Variants in OR1J2 observed in about 807,000 individuals in gnomAD.
OR1J2 encodes the protein olfactory receptor family 1 subfamily J member 2, also known as olfactory receptor 1J2.
For synonymous variants in OR1J2, 142 were observed against 99.7 expected (o/e 1.42, Z -2.52); for missense variants, 304 against 246.1 (o/e 1.24, Z -1.57).
chr9:122,500,378 C>T, the OR1J2 span, among the ~76,000 whole-genome samples: 1 of 152,138 alleles, frequency 6.6e-6, no homozygotes, highest in African/African-American at 2.4e-5. Context: ...CTTTTAGCAG[C>T]TGGATGCAGT....
the OR1J2 span, among the ~76,000 whole-genome samples, chr9:122,524,095 A>G: frequency 6.6e-6 from 1 of 152,238 alleles, no homozygotes; most frequent in Non-Finnish European, 1.5e-5. Context: ...GTTTTGGTCA[A>G]CAATAGACTC....
At chr9:122,546,801 C>T in the OR1J2 span, among the ~76,000 whole-genome samples, 2 of 152,032 alleles carry the variant, frequency 1.3e-5, no homozygotes, top group South Asian at 4.1e-4. Context: ...ATTTTGAAAA[C>T]AAAAATTATT....
the OR1J2 span, chr9:122,526,210 T>C: frequency 2.2e-6 from 1 of 462,200 alleles, no homozygotes; most frequent in Non-Finnish European, 3.8e-6. Context: ...AACTGTTATC[T>C]CCATTTTATA....
chr9:122,502,396 C>G, the OR1J2 span, among the ~76,000 whole-genome samples: 1 of 152,228 alleles, frequency 6.6e-6, no homozygotes, highest in Non-Finnish European at 1.5e-5. Flanking sequence ...CACCATCTCA[C>G]TTCTCCACCA....
the OR1J2 span, among the ~76,000 whole-genome samples, chr9:122,454,734 A>G: frequency 1.0e-3 from 153 of 152,314 alleles, no homozygotes; most frequent in African/African-American, 3.5e-3. Flanking sequence ...GCAAACGAAG[A>G]TGGGAATGTC....
chr9:122,526,673 G>A, the OR1J2 span: 2 of 1,614,212 alleles, frequency 1.2e-6, no homozygotes, highest in Middle Eastern at 1.6e-4. Context: ...ATAAAAAGGG[G>A]ACGATGAGTA....
At chr9:122,465,743 A>G in the OR1J2 span, among the ~76,000 whole-genome samples, 17 of 152,328 alleles carry the variant, frequency 1.1e-4, no homozygotes, top group African/African-American at 4.1e-4. Flanking sequence ...AGGAAGGACA[A>G]GGCTTGAGGA....
At chr9:122,498,060 G>GT in the OR1J2 span, among the ~76,000 whole-genome samples, 1,064 of 146,490 alleles carry the variant, frequency 7.3e-3, 5 homozygotes, top group African/African-American at 0.022. Flanking sequence ...CATGATTTGG[G>GT]TTTTTTTTTT....
At chr9:122,518,911 G>A in the OR1J2 span, among the ~76,000 whole-genome samples, 72 of 152,236 alleles carry the variant, frequency 4.7e-4, no homozygotes, top group African/African-American at 1.7e-3. Context: ...AGACATGGCT[G>A]GTCTTCTCTT....
At chr9:122,460,351 A>T in the OR1J2 span, among the ~76,000 whole-genome samples, 1 of 152,108 alleles carries the variant, frequency 6.6e-6, no homozygotes, top group Non-Finnish European at 1.5e-5. Flanking sequence ...TGATCCCAGC[A>T]TGATTTGTTG....
chr9:122,550,563 T>G, the OR1J2 span, among the ~76,000 whole-genome samples: 17 of 74,674 alleles, frequency 2.3e-4, no homozygotes, highest in African/African-American at 9.0e-4. Flanking sequence ...TCAAGTGGGT[T>G]TTTTTTTTGA....
At chr9:122,569,217 C>T in the OR1J2 span, among the ~76,000 whole-genome samples, 2 of 152,120 alleles carry the variant, frequency 1.3e-5, no homozygotes, top group Non-Finnish European at 2.9e-5. Context: ...CACAAGTCTC[C>T]CTTTTTTTGT....
At chr9:122,481,743 A>C in the OR1J2 span, among the ~76,000 whole-genome samples, 1 of 152,206 alleles carries the variant, frequency 6.6e-6, no homozygotes, top group Admixed American at 6.5e-5. Context: ...ATACATTGCT[A>C]TAAGATGGTT....
the OR1J2 span, among the ~76,000 whole-genome samples, chr9:122,495,653 CT>C: frequency 2.0e-5 from 3 of 152,004 alleles, no homozygotes; most frequent in Non-Finnish European, 4.4e-5. Flanking sequence ...CCTTGATTAG[CT>C]TAATAATCGA....
At chr9:122,485,576 AT>A in the OR1J2 span, among the ~76,000 whole-genome samples, 3 of 152,244 alleles carry the variant, frequency 2.0e-5, no homozygotes, top group East Asian at 5.8e-4. Flanking sequence ...GATATCTGAA[AT>A]TCTTTTAGCA....
the OR1J2 span, among the ~76,000 whole-genome samples, chr9:122,456,488 T>G: frequency 1.3e-5 from 2 of 152,344 alleles, no homozygotes; most frequent in East Asian, 1.9e-4. Flanking sequence ...AATTTTCTTT[T>G]CTTTTCTTTT....
chr9:122,558,549 C>A, the OR1J2 span, among the ~76,000 whole-genome samples: 6 of 151,260 alleles, frequency 4.0e-5, no homozygotes, highest in Non-Finnish European at 7.4e-5. Context: ...TAAGTAATTT[C>A]TTATTATTTT....
rs141763802 is a variant in OR1J2 at position 122,511,180 on chromosome 9, T to A, written c.379T>A (p.Cys127Ser). ...GGCATATGACCGATATGTTGCCATA[T>A]GTCACCCTCTCCACTACACTGTCAT... ...SMAYDRYVAI[C>S]HPLHYTVIMR... Residue 127 changes from cysteine to serine, a missense_variant, in exon 1 of 1, where the codon TGT becomes AGT. Coordinates refer to ENST00000335302, the MANE Select transcript of OR1J2 (RefSeq NM_054107.1). 9.7e-6 allele frequency: 7 copies of A among 719,102 alleles called. No homozygotes were observed. In the African/African-American group the frequency reaches 1.2e-4, roughly 13 times the overall value. 44.5% of individuals were successfully genotyped at this position (719,102 alleles called of 1,614,324 possible).
At chr9:122,515,025 G>A (rs118048068), downstream of OR1J2, among the ~76,000 whole-genome samples, 1,225 of 152,310 alleles carry the variant, frequency 8.0e-3, 13 homozygotes, top group Non-Finnish European at 0.014. Context: ...CCTGGGGAGA[G>A]TAGGAGGAAA....
Sources: gnomAD v4.1 joint callset for allele counts (sites outside exome capture counted in the v4.1 genomes callset) on GRCh38, gnomAD v4.1.1 for gene constraint, MANE v1.5 for transcripts, NCBI Gene and HGNC (gene_info 2026-07-23, HGNC 2026-07-21) for gene names.